LINGO2: variants seen among roughly 807,000 people sequenced by gnomAD.
LINGO2 encodes the protein leucine-rich repeat and immunoglobulin-like domain-containing nogo receptor-interacting protein 2.
In LINGO2, 14 loss-of-function variants were observed where a neutral mutation model predicts 30.6. The ratio of observed to expected loss-of-function variants is 0.46; its 90% confidence interval spans 0.30 to 0.72. The LOEUF (loss-of-function observed/expected upper bound fraction) is 0.72. LINGO2 is among the 30% of genes least tolerant of loss of function. LINGO2 has a pLI of 0.07. For synonymous variants in LINGO2, 317 were observed against 288.5 expected (o/e 1.10, Z -1.00); for missense variants, 729 against 751.7 (o/e 0.97, Z 0.35).
the LINGO2 span, among the ~76,000 whole-genome samples, chr9:29,167,954 G>C: frequency 6.6e-6 from 1 of 151,948 alleles, no homozygotes; most frequent in Admixed American, 6.6e-5. Context: ...GACAACTTTA[G>C]CACCTAAGGA....
At chr9:28,766,817 AGAGAGAGAGAGAAGGAGAGAAAGAG>A in the LINGO2 span, among the ~76,000 whole-genome samples, 3 of 24,052 alleles carry the variant, frequency 1.2e-4, no homozygotes, top group African/African-American at 5.0e-4. Context: ...AAGGAGAGAG[AGAGAGAGAGAGAAGGAGAGAAAGAG>A]AGAGAGAGAG....
chr9:28,695,396 A>T, the LINGO2 span, among the ~76,000 whole-genome samples: 2 of 151,938 alleles, frequency 1.3e-5, no homozygotes, highest in Non-Finnish European at 2.9e-5. Flanking sequence ...TCTTGGCATA[A>T]ATATATATTT....
At position 28,646,636 on chromosome 9, in the gene LINGO2, A is replaced by T. The variant is rs534234351; in HGVS notation, c.-365+23564T>A. Among the ~76,000 whole-genome samples the T allele has an allele frequency of 4.4e-4, 67 of 152,124 alleles. 1 individual carries two copies. In the South Asian group the frequency reaches 0.013, roughly 30 times the overall value. On this transcript the variant is annotated intron_variant, in intron 1 of 5. Coordinates refer to ENST00000379992, the Ensembl canonical transcript of LINGO2. ...AACACTCTTTTTTCAAGCATCCAAC[A>T]CTGTTGAAGGGAGAAGATATAGGAT...
intron 4 of LINGO2, among the ~76,000 whole-genome samples, chr9:28,043,689 T>G (rs748454165): frequency 2.0e-5 from 3 of 152,152 alleles, no homozygotes; most frequent in Non-Finnish European, 2.9e-5. Flanking sequence ...TTTTGCTCAA[T>G]GATCAATTTT....
At chr9:28,284,821 T>G (rs1823450244) in intron 4 of LINGO2, among the ~76,000 whole-genome samples, 2 of 152,182 alleles carry the variant, frequency 1.3e-5, no homozygotes, top group Non-Finnish European at 2.9e-5. Context: ...ATTCTGGTAA[T>G]CTATGGCTGT....
At chr9:28,608,499 C>T (rs1825784432) in intron 1 of LINGO2, among the ~76,000 whole-genome samples, 1 of 151,888 alleles carries the variant, frequency 6.6e-6, no homozygotes, top group African/African-American at 2.4e-5. Context: ...TGCATTCATA[C>T]CGGTTATTAT....
intron 1 of LINGO2, among the ~76,000 whole-genome samples, chr9:28,579,255 C>T (rs1339467094): frequency 6.6e-6 from 1 of 152,004 alleles, no homozygotes; most frequent in Non-Finnish European, 1.5e-5. Context: ...GAGGCTTTCA[C>T]TATTGTCCTT....
chr9:28,518,277 C>A (rs917993884), intron 1 of LINGO2, among the ~76,000 whole-genome samples: 2 of 152,182 alleles, frequency 1.3e-5, no homozygotes, highest in Non-Finnish European at 2.9e-5. Context: ...TGATTCCCAG[C>A]CTAGTTTCCA....
intron 4 of LINGO2, among the ~76,000 whole-genome samples, chr9:28,088,743 G>T (rs1461068961): frequency 6.6e-6 from 1 of 152,080 alleles, no homozygotes; most frequent in Non-Finnish European, 1.5e-5. Context: ...TGGGCTAAAT[G>T]CTCCAATTAA....
chr9:28,293,814 G>GAA (rs1449687450), intron 4 of LINGO2, among the ~76,000 whole-genome samples: 1 of 152,148 alleles, frequency 6.6e-6, no homozygotes, highest in Admixed American at 6.5e-5. Context: ...TAAGACTATG[G>GAA]AAGTCTATCC....
the LINGO2 span, among the ~76,000 whole-genome samples, chr9:28,810,877 C>A: frequency 2.6e-5 from 4 of 152,060 alleles, no homozygotes. Context: ...GAGTCACATC[C>A]TCTGGTGAAC....
At chr9:29,134,485 G>A in the LINGO2 span, among the ~76,000 whole-genome samples, 1 of 151,436 alleles carries the variant, frequency 6.6e-6, no homozygotes, top group Non-Finnish European at 1.5e-5. Context: ...TGTATTTTAT[G>A]TGTTTATATG....
At chr9:28,274,624 T>C (rs1156984864) in intron 4 of LINGO2, among the ~76,000 whole-genome samples, 23 of 152,350 alleles carry the variant, frequency 1.5e-4, no homozygotes, top group Admixed American at 1.4e-3. Context: ...TATTTCTTTG[T>C]AGGCTATTCT....
chr9:28,350,907 C>G (rs1729749905), intron 3 of LINGO2, among the ~76,000 whole-genome samples: 1 of 152,040 alleles, frequency 6.6e-6, no homozygotes, highest in Non-Finnish European at 1.5e-5. Context: ...CTACTGGGTA[C>G]ATAATGAAAT....
chr9:28,751,999 T>C, the LINGO2 span, among the ~76,000 whole-genome samples: 1 of 151,968 alleles, frequency 6.6e-6, no homozygotes, highest in Non-Finnish European at 1.5e-5. Flanking sequence ...TTAAATAGAG[T>C]AAAAACCATA....
At chr9:29,041,270 T>C in the LINGO2 span, among the ~76,000 whole-genome samples, 1 of 152,198 alleles carries the variant, frequency 6.6e-6, no homozygotes, top group African/African-American at 2.4e-5. Flanking sequence ...AATTGATTTA[T>C]AGTTTTAATT....
the LINGO2 span, among the ~76,000 whole-genome samples, chr9:28,848,069 A>ATT: frequency 9.2e-5 from 4 of 43,492 alleles, no homozygotes; most frequent in Non-Finnish European, 1.2e-4. Flanking sequence ...ATATGTATAT[A>ATT]ATATATATAT....
intron 1 of LINGO2, among the ~76,000 whole-genome samples, chr9:28,656,199 A>G (rs1433275760): frequency 6.6e-6 from 1 of 152,102 alleles, no homozygotes; most frequent in East Asian, 1.9e-4. Context: ...AAATACATTA[A>G]TGATCTAGCA....
At chr9:28,486,250 A>G (rs1028883478) in intron 1 of LINGO2, among the ~76,000 whole-genome samples, 1 of 152,090 alleles carries the variant, frequency 6.6e-6, no homozygotes, top group African/African-American at 2.4e-5. Context: ...TATTTTCTTG[A>G]TGACAACAGG....
Sources: gnomAD v4.1 joint callset for allele counts (sites outside exome capture counted in the v4.1 genomes callset) on GRCh38, gnomAD v4.1.1 for gene constraint, MANE v1.5 for transcripts, NCBI Gene and HGNC (gene_info 2026-07-23, HGNC 2026-07-21) for gene names.